The following ADAMTSL1 variants were observed in gnomAD, a reference collection of about 807,000 sequenced individuals.
ADAMTSL1 encodes the protein ADAMTS like 1, also known as ADAMTS-like protein 1.
A neutral mutation model predicts 201.8 loss-of-function variants in ADAMTSL1; 126 were observed. The observed-to-expected ratio is 0.62, with a 90% CI of 0.54 to 0.72. ADAMTSL1 has a LOEUF of 0.72. Ranked by LOEUF, ADAMTSL1 falls within the 30% of genes least tolerant of loss-of-function variation. The pLI is 0.00. For missense variants in ADAMTSL1, 2,679 were observed against 2,277.8 expected, an observed-to-expected ratio of 1.18 and a Z score of -3.59; for synonymous variants, 1,121 against 903.4, an observed-to-expected ratio of 1.24 and a Z score of -4.32.
chr9:18,882,991 CAAAAAAAAA>C (rs34408343), intron 23 of ADAMTSL1, among the ~76,000 whole-genome samples: 9 of 113,710 alleles, frequency 7.9e-5, no homozygotes, highest in Middle Eastern at 4.3e-3. Flanking sequence ...GAGCCTGCCT[CAAAAAAAAA>C]AAAAAAAAAA....
intron 1 of ADAMTSL1, among the ~76,000 whole-genome samples, chr9:18,016,288 G>A (rs970742412): frequency 2.0e-5 from 3 of 152,038 alleles, no homozygotes; most frequent in Non-Finnish European, 1.5e-5. Flanking sequence ...AGTCTCTTAA[G>A]TGGGTTGAGA....
chr9:18,804,210 A>T (rs554781478), intron 20 of ADAMTSL1, among the ~76,000 whole-genome samples: 1 of 152,316 alleles, frequency 6.6e-6, no homozygotes, highest in South Asian at 2.1e-4. Context: ...TGACGTTGAA[A>T]ATTGACTCTG....
intron 2 of ADAMTSL1, among the ~76,000 whole-genome samples, chr9:18,179,731 A>G (rs1291857542): frequency 1.3e-5 from 2 of 152,194 alleles, no homozygotes; most frequent in African/African-American, 4.8e-5. Flanking sequence ...CAACATTCTT[A>G]AAGAAAAGAA....
At chr9:18,724,361 T>G (rs1177091438) in intron 15 of ADAMTSL1, among the ~76,000 whole-genome samples, 1 of 152,210 alleles carries the variant, frequency 6.6e-6, no homozygotes, top group Admixed American at 6.5e-5. Flanking sequence ...TTTCTAAGAT[T>G]AAACTTGGCT....
chr9:18,894,200 T>G (rs1829468490), intron 26 of ADAMTSL1, among the ~76,000 whole-genome samples: 1 of 152,210 alleles, frequency 6.6e-6, no homozygotes, highest in African/African-American at 2.4e-5. Context: ...AAGATTACTG[T>G]CTGGCCAGGC....
At chr9:18,741,106 G>A (rs915571648) in intron 15 of ADAMTSL1, among the ~76,000 whole-genome samples, 1 of 151,910 alleles carries the variant, frequency 6.6e-6, no homozygotes, top group African/African-American at 2.4e-5. Flanking sequence ...CATAAAGCCT[G>A]GCACACAAAA....
intron 1 of ADAMTSL1, among the ~76,000 whole-genome samples, chr9:17,949,001 C>T (rs1827623495): frequency 1.3e-5 from 2 of 152,164 alleles, no homozygotes; most frequent in South Asian, 4.1e-4. Context: ...TAAAAAATAT[C>T]TGTATGATTC....
intron 23 of ADAMTSL1, among the ~76,000 whole-genome samples, chr9:18,880,026 C>G (rs951507238): frequency 6.6e-6 from 1 of 152,166 alleles, no homozygotes; most frequent in Non-Finnish European, 1.5e-5. Flanking sequence ...TTTGCTCATC[C>G]GTAAAAAGCA....
chr9:18,241,586 A>G (rs1447766472), intron 2 of ADAMTSL1, among the ~76,000 whole-genome samples: 7 of 152,204 alleles, frequency 4.6e-5, no homozygotes, highest in African/African-American at 9.6e-5. Context: ...TTTAACATAT[A>G]TAACATGATG....
intron 26 of ADAMTSL1, 53 bp downstream of exon 26, chr9:18,892,649 C>G: frequency 6.6e-7 from 1 of 1,523,910 alleles, no homozygotes; most frequent in East Asian, 2.5e-5. Context: ...GGAATGGACC[C>G]TGCCACAGTA....
chr9:17,996,778 A>T (rs1439928475), intron 1 of ADAMTSL1, among the ~76,000 whole-genome samples: 1 of 151,646 alleles, frequency 6.6e-6, no homozygotes, highest in Non-Finnish European at 1.5e-5. Context: ...CCTTCTCACC[A>T]CCACCCCCTT....
chr9:18,267,049 A>G (rs1366135367), intron 2 of ADAMTSL1, among the ~76,000 whole-genome samples: 2 of 152,056 alleles, frequency 1.3e-5, no homozygotes, highest in African/African-American at 4.8e-5. Context: ...TCTTGCCACT[A>G]CTTCATTTGA....
At chr9:18,428,538 T>A (rs545180183) in intron 2 of ADAMTSL1, among the ~76,000 whole-genome samples, 1 of 152,128 alleles carries the variant, frequency 6.6e-6, no homozygotes, top group African/African-American at 2.4e-5. Flanking sequence ...GAGAATTGTG[T>A]GAGTCCAGGA....
At chr9:18,830,095 C>G in intron 23 of ADAMTSL1, 118 bp downstream of exon 23, 1 of 1,313,520 alleles carries the variant, frequency 7.6e-7, no homozygotes, top group Non-Finnish European at 1.0e-6. Context: ...CAGGGAATCA[C>G]TAAATTGCCT....
chr9:17,993,574 C>G (rs1373346109), intron 1 of ADAMTSL1, among the ~76,000 whole-genome samples: 3 of 152,140 alleles, frequency 2.0e-5, no homozygotes, highest in Non-Finnish European at 4.4e-5. Flanking sequence ...TGAGAAGTGA[C>G]AGGATTCTCT....
rs767103506 is a variant in ADAMTSL1 at position 18,817,153 on chromosome 9, G to A, written c.3850G>A (p.Glu1284Lys). The change falls in exon 21 of 29, where the codon GAG becomes AAG. Residue 1284 changes from glutamate to lysine, a missense_variant. Physicochemically the swap from Glu to Lys is moderately conservative, Grantham distance 56. Transcript: ENST00000380548. ...KTSRMTVINT[E>K]KPAVTVDIGS... ...GTCACGAATGACAGTGATCAACACG[G>A]AGAAGCCTGCAGTCACAGTCGATAT... 3 of 1,601,236 alleles carry A rather than the reference G, an allele frequency of 1.9e-6. No homozygotes were observed. The highest frequency in any genetic ancestry group is 3.4e-5 in the Admixed American group (2 of 57,994).
At chr9:18,399,300 T>TATATATAC (rs1817878385) in intron 2 of ADAMTSL1, among the ~76,000 whole-genome samples, 1 of 104,508 alleles carries the variant, frequency 9.6e-6, no homozygotes, top group South Asian at 3.2e-4. Context: ...TATATATATA[T>TATATATAC]ATATATATAT....
chr9:18,327,840 C>T (rs549437135), intron 2 of ADAMTSL1, among the ~76,000 whole-genome samples: 180 of 152,324 alleles, frequency 1.2e-3, no homozygotes, highest in Non-Finnish European at 2.4e-3. Flanking sequence ...AGCTTGCTTA[C>T]CATTCTAACC....
chr9:18,314,724 G>T (rs543741875), intron 2 of ADAMTSL1, among the ~76,000 whole-genome samples: 1 of 144,504 alleles, frequency 6.9e-6, no homozygotes, highest in Non-Finnish European at 1.5e-5. Context: ...AAAGAACAAA[G>T]CTTCCACAGC....
Sources: gnomAD v4.1 joint callset for allele counts (sites outside exome capture counted in the v4.1 genomes callset) on GRCh38, gnomAD v4.1.1 for gene constraint, MANE v1.5 for transcripts, NCBI Gene and HGNC (gene_info 2026-07-23, HGNC 2026-07-21) for gene names.